Variants in PRKN observed in about 807,000 individuals in gnomAD.
The protein encoded by PRKN is E3 ubiquitin-protein ligase parkin.
In PRKN, 56 loss-of-function variants were observed where a neutral mutation model predicts 59.5. That is an observed-to-expected ratio of 0.94 (90% confidence interval 0.76 to 1.18). PRKN has a LOEUF of 1.18. Among genes scored for constraint, PRKN ranks in the 50% most tolerant of loss-of-function variants. The probability of loss-of-function intolerance (pLI) is 0.00; values close to 1 mark genes in which losing one functional copy is unlikely to be tolerated. For missense variants in PRKN, 657 were observed against 596.4 expected, an observed-to-expected ratio of 1.10 and a Z score of -1.06; for synonymous variants, 250 against 222.1, an observed-to-expected ratio of 1.13 and a Z score of -1.12.
intron 5 of PRKN, among the ~76,000 whole-genome samples, chr6:161,978,514 T>A (rs1375894989): frequency 1.3e-5 from 2 of 152,262 alleles, no homozygotes; most frequent in Non-Finnish European, 2.9e-5. Context: ...GATGGCTTGT[T>A]CACACATGGG....
intron 3 of PRKN, among the ~76,000 whole-genome samples, chr6:162,219,434 T>C (rs1777839359): frequency 6.6e-6 from 1 of 152,200 alleles, no homozygotes; most frequent in Admixed American, 6.5e-5. Flanking sequence ...TATATTAAAC[T>C]GCATATTACA....
intron 6 of PRKN, among the ~76,000 whole-genome samples, chr6:161,923,587 G>A (rs1314894925): frequency 1.4e-5 from 2 of 146,838 alleles, no homozygotes; most frequent in Non-Finnish European, 3.1e-5. Context: ...TATCAATTTT[G>A]TGAGATTTCC....
chr6:161,931,470 A>G (rs979325129), intron 6 of PRKN, among the ~76,000 whole-genome samples: 4 of 152,154 alleles, frequency 2.6e-5, no homozygotes, highest in Non-Finnish European at 2.9e-5. Context: ...AGTTCCAAGA[A>G]GGTACTGGAA....
At chr6:162,310,444 A>T (rs1267120950) in intron 2 of PRKN, among the ~76,000 whole-genome samples, 1 of 152,134 alleles carries the variant, frequency 6.6e-6, no homozygotes, top group Non-Finnish European at 1.5e-5. Context: ...AGCTGAGGAA[A>T]GCAGGCGGCC....
intron 6 of PRKN, among the ~76,000 whole-genome samples, chr6:161,881,762 C>T (rs903670448): frequency 1.3e-5 from 2 of 152,192 alleles, no homozygotes; most frequent in Admixed American, 6.5e-5. Flanking sequence ...TCCCGCTTTA[C>T]AAAAACATTG....
intron 6 of PRKN, among the ~76,000 whole-genome samples, chr6:161,831,109 G>A (rs1360169346): frequency 1.3e-5 from 2 of 152,182 alleles, no homozygotes; most frequent in African/African-American, 4.8e-5. Context: ...GCAGCTAACT[G>A]GCCCATAAAG....
intron 7 of PRKN, among the ~76,000 whole-genome samples, chr6:161,693,170 T>C (rs1255160756): frequency 2.0e-5 from 3 of 152,044 alleles, no homozygotes; most frequent in Non-Finnish European, 4.4e-5. Context: ...GAAGAAAAAC[T>C]AGCCCTAAAT....
intron 6 of PRKN, among the ~76,000 whole-genome samples, chr6:161,831,488 A>G (rs949083866): frequency 6.6e-6 from 1 of 152,204 alleles, no homozygotes; most frequent in Non-Finnish European, 1.5e-5. Flanking sequence ...TGACAGCAGA[A>G]AAATCCCAGG....
In PRKN at chr6:161,946,882, G is replaced by A. The variant is rs79628460; in HGVS notation, c.734+26420C>T. 8.9e-4 allele frequency among the ~76,000 whole-genome samples: 136 copies of A among 152,240 alleles called. 1 individual carries two copies. Among genetic ancestry groups the A allele is most frequent in the African/African-American group, 3.2e-3 (133 of 41,518 alleles). On this transcript the variant is annotated intron_variant, in intron 6 of 11. Transcript: ENST00000366898. ...GTGATAAATCAAGTATGTCCATAGG[G>A]GTCCTTGGTTAAAAGGCTGTCCATG...
intron 7 of PRKN, among the ~76,000 whole-genome samples, chr6:161,572,070 G>A (rs73593479): frequency 0.031 from 4,772 of 152,114 alleles, 252 homozygotes; most frequent in African/African-American, 0.11. Flanking sequence ...CTGCTTGGCC[G>A]CCATAATTGT....
At chr6:162,281,552 C>A (rs894198608) in intron 2 of PRKN, among the ~76,000 whole-genome samples, 1 of 151,896 alleles carries the variant, frequency 6.6e-6, no homozygotes, top group African/African-American at 2.4e-5. Context: ...TACAAACTGA[C>A]CTAAGAAAGG....
intron 1 of PRKN, among the ~76,000 whole-genome samples, chr6:162,566,623 A>G (rs1583818921): frequency 6.6e-6 from 1 of 152,030 alleles, no homozygotes; most frequent in African/African-American, 2.4e-5. Flanking sequence ...AACAAGTAAC[A>G]AGATTAAAGC....
At chr6:161,961,854 C>T (rs903754120) in intron 6 of PRKN, among the ~76,000 whole-genome samples, 2 of 152,288 alleles carry the variant, frequency 1.3e-5, no homozygotes, top group Non-Finnish European at 2.9e-5. Flanking sequence ...CATGAGACTG[C>T]GTTGCCTGTG....
intron 1 of PRKN, among the ~76,000 whole-genome samples, chr6:162,681,467 A>G (rs1693691224): frequency 6.6e-6 from 1 of 152,148 alleles, no homozygotes; most frequent in Middle Eastern, 3.2e-3. Flanking sequence ...CACCTAAGTA[A>G]CAAAAGGACC....
intron 9 of PRKN, among the ~76,000 whole-genome samples, chr6:161,490,339 T>C (rs867226125): frequency 0.077 from 10,342 of 133,874 alleles, 479 homozygotes; most frequent in African/African-American, 0.13. Context: ...CTTGCTTGCT[T>C]TCTCTCTCTC....
In PRKN at chr6:162,016,421, C is replaced by T. The variant is rs535671753; in HGVS notation, c.618+37670G>A. 1.1e-4 allele frequency among the ~76,000 whole-genome samples: 17 copies of T among 152,206 alleles called. No homozygotes were observed. In the South Asian group the frequency reaches 3.5e-3, roughly 32 times the overall value. ...CTTTGAAAGGGGATAAAATGCTCCT[C>T]CTGTCTTTCTTCTTGTCTTGATAGG... On this transcript the variant is annotated intron_variant, in intron 5 of 11. Transcript: ENST00000366898.
chr6:162,605,117 T>C (rs1781858700), intron 1 of PRKN, among the ~76,000 whole-genome samples: 1 of 152,200 alleles, frequency 6.6e-6, no homozygotes, highest in Admixed American at 6.5e-5. Flanking sequence ...TAGAGAATCC[T>C]TTACTTCTAG....
chr6:162,617,437 G>A (rs1265075480), intron 1 of PRKN, among the ~76,000 whole-genome samples: 1 of 152,078 alleles, frequency 6.6e-6, no homozygotes, highest in Non-Finnish European at 1.5e-5. Flanking sequence ...TCACCATGTT[G>A]GCCAGGCTGG....
chr6:161,758,025 ACAC>A (rs1254048224), intron 7 of PRKN, among the ~76,000 whole-genome samples: 1 of 150,612 alleles, frequency 6.6e-6, no homozygotes. Flanking sequence ...CCATAGTGAG[ACAC>A]CACTACACAC....
Sources: allele counts gnomAD v4.1 joint callset (sites outside exome capture counted in the v4.1 genomes callset), GRCh38; gene constraint gnomAD v4.1.1; transcripts MANE v1.5; gene names NCBI Gene and HGNC (gene_info 2026-07-23, HGNC 2026-07-21).